Variants in CCSER1 observed in about 807,000 individuals in gnomAD.
The protein encoded by CCSER1 is coiled-coil serine rich protein 1.
In CCSER1, 41 loss-of-function variants were observed where a neutral mutation model predicts 82.0. The observed-to-expected ratio is 0.50, with a 90% confidence interval of 0.39 to 0.65. The LOEUF (loss-of-function observed/expected upper bound fraction) is 0.65. Among genes scored for constraint, CCSER1 ranks in the 30% least tolerant of loss-of-function variants. The probability of loss-of-function intolerance (pLI) is 0.00; values close to 1 mark genes in which losing one functional copy is unlikely to be tolerated. For missense variants in CCSER1, 1,119 were observed against 1,064.2 expected (o/e 1.05, Z -0.72); for synonymous variants, 414 against 383.9 (o/e 1.08, Z -0.92).
chr4:91,033,544 A>AGG (rs1741168761), intron 9 of CCSER1, among the ~76,000 whole-genome samples: 1 of 152,118 alleles, frequency 6.6e-6, no homozygotes. Context: ...GGAAAGATGA[A>AGG]GATTGTAAAG....
intron 8 of CCSER1, among the ~76,000 whole-genome samples, chr4:90,859,247 A>G (rs1764794316): frequency 6.6e-6 from 1 of 151,876 alleles, no homozygotes; most frequent in African/African-American, 2.4e-5. Context: ...AAGGAATAAT[A>G]GGGGAAACAT....
At chr4:91,066,968 A>G (rs891978876) in intron 9 of CCSER1, among the ~76,000 whole-genome samples, 3 of 152,060 alleles carry the variant, frequency 2.0e-5, no homozygotes, top group African/African-American at 7.2e-5. Flanking sequence ...GATCAAAACC[A>G]TCCTGGCTAA....
chr4:90,818,287 T>A (rs1759295233), intron 8 of CCSER1, among the ~76,000 whole-genome samples: 1 of 151,300 alleles, frequency 6.6e-6, no homozygotes, highest in Non-Finnish European at 1.5e-5. Context: ...TTCTTTTTTT[T>A]TTTTTTTAAG....
Position 90,713,468 on chromosome 4 carries a change from G to A in CCSER1, c.1933-10446G>A, listed in dbSNP as rs543509071. ...TTTTCCTTAAGGATGCTGAATATTGGCCCCCACTCTCTTCTGGCTTGTAGG... is the reference window on the plus strand; with the variant it reads ...TTTTCCTTAAGGATGCTGAATATTGACCCCCACTCTCTTCTGGCTTGTAGG... On this transcript the variant is annotated intron_variant, in intron 6 of 10. Coordinates refer to ENST00000509176, the MANE Select transcript of CCSER1 (RefSeq NM_001145065.2). Among the ~76,000 whole-genome samples, 4 of 151,736 alleles carry A rather than the reference G, an allele frequency of 2.6e-5. No homozygotes were observed. The East Asian group carries it at 5.8e-4, about 22-fold the overall frequency.
intron 3 of CCSER1, among the ~76,000 whole-genome samples, chr4:90,393,935 A>G (rs1751586614): frequency 6.7e-6 from 1 of 149,418 alleles, no homozygotes; most frequent in Non-Finnish European, 1.5e-5. Flanking sequence ...GCACCACCAT[A>G]CTTGGCTAAT....
At chr4:90,454,915 T>A (rs1185905960) in intron 4 of CCSER1, among the ~76,000 whole-genome samples, 1 of 152,160 alleles carries the variant, frequency 6.6e-6, no homozygotes, top group African/African-American at 2.4e-5. Flanking sequence ...TGCCAGCCTG[T>A]TGTAGGGGCA....
chr4:90,591,332 TG>T (rs1304131407), intron 5 of CCSER1, among the ~76,000 whole-genome samples: 2 of 152,038 alleles, frequency 1.3e-5, no homozygotes, highest in Admixed American at 1.3e-4. Flanking sequence ...TGAATAGGGG[TG>T]GTGACAGAGG....
chr4:91,262,886 T>C (rs1485215444), intron 10 of CCSER1, among the ~76,000 whole-genome samples: 1 of 151,972 alleles, frequency 6.6e-6, no homozygotes, highest in Non-Finnish European at 1.5e-5. Flanking sequence ...AAGCACTTAA[T>C]TGCTCAGCTT....
chr4:90,982,993 T>C (rs1241228290), intron 9 of CCSER1, among the ~76,000 whole-genome samples: 2 of 151,814 alleles, frequency 1.3e-5, no homozygotes, highest in South Asian at 4.1e-4. Context: ...CAGGTTTCCA[T>C]GACCTCAATC....
At chr4:90,493,190 G>T (rs1282310173) in intron 5 of CCSER1, among the ~76,000 whole-genome samples, 5 of 152,160 alleles carry the variant, frequency 3.3e-5, no homozygotes, top group African/African-American at 1.2e-4. Flanking sequence ...TGAATGAAAT[G>T]AAGTGAGAAG....
chr4:91,463,307 G>C (rs984619256), intron 10 of CCSER1, among the ~76,000 whole-genome samples: 2 of 152,198 alleles, frequency 1.3e-5, no homozygotes, highest in African/African-American at 4.8e-5. Context: ...CTGACTGTTA[G>C]AAGGAAAACT....
At chr4:91,088,069 G>A (rs1723563228) in intron 10 of CCSER1, among the ~76,000 whole-genome samples, 1 of 152,044 alleles carries the variant, frequency 6.6e-6, no homozygotes, top group Non-Finnish European at 1.5e-5. Context: ...CATTTGTTAT[G>A]TTCTAGGATG....
At chr4:91,356,333 G>A (rs1337586221) in intron 10 of CCSER1, among the ~76,000 whole-genome samples, 2 of 152,228 alleles carry the variant, frequency 1.3e-5, no homozygotes, top group Non-Finnish European at 1.5e-5. Context: ...GCTCGTTGCT[G>A]TTGGTTGTAA....
At chr4:90,505,269 G>C (rs62312952) in intron 5 of CCSER1, among the ~76,000 whole-genome samples, 10,208 of 152,302 alleles carry the variant, frequency 0.067, 437 homozygotes, top group African/African-American at 0.1. Context: ...CCCATCTGGG[G>C]CACCCAGACA....
At chr4:91,096,978 G>A (rs577625638) in intron 10 of CCSER1, among the ~76,000 whole-genome samples, 32 of 152,130 alleles carry the variant, frequency 2.1e-4, no homozygotes, top group Admixed American at 4.6e-4. Flanking sequence ...ATCAGGCCAC[G>A]CTTCCACTTA....
At chr4:90,671,987 G>A (rs1428825233) in intron 6 of CCSER1, among the ~76,000 whole-genome samples, 2 of 151,988 alleles carry the variant, frequency 1.3e-5, no homozygotes, top group African/African-American at 4.8e-5. Context: ...TTTCTAAGGA[G>A]TAGGTCTCAA....
At chr4:91,402,908 G>T (rs1752436099) in intron 10 of CCSER1, among the ~76,000 whole-genome samples, 1 of 152,168 alleles carries the variant, frequency 6.6e-6, no homozygotes, top group South Asian at 2.1e-4. Flanking sequence ...GAACTTTAAA[G>T]TAGTTTTTTC....
chr4:91,418,303 T>TTAA (rs377360118), intron 10 of CCSER1, among the ~76,000 whole-genome samples: 13,690 of 113,616 alleles, frequency 0.12, 933 homozygotes, highest in Middle Eastern at 0.19. Context: ...ATTTTTTAAT[T>TTAA]AAAAAAAAAA....
At chr4:90,885,082 G>A (rs1188475919) in intron 8 of CCSER1, among the ~76,000 whole-genome samples, 2 of 152,080 alleles carry the variant, frequency 1.3e-5, no homozygotes, top group African/African-American at 2.4e-5. Flanking sequence ...AAGGTAAAAT[G>A]TTGTACCTCT....
Sources: gnomAD v4.1 joint callset for allele counts (sites outside exome capture counted in the v4.1 genomes callset) on GRCh38, gnomAD v4.1.1 for gene constraint, MANE v1.5 for transcripts, NCBI Gene and HGNC (gene_info 2026-07-23, HGNC 2026-07-21) for gene names.